Variants in CTPS2 observed in about 807,000 individuals in gnomAD.
The protein encoded by CTPS2 is CTP synthase 2.
CTPS2 carries 19 observed loss-of-function variants against 46.8 expected under a neutral mutation model. The observed-to-expected ratio is 0.41, with a 90% CI of 0.28 to 0.60. The LOEUF (loss-of-function observed/expected upper bound fraction) is 0.60. CTPS2 is among the 20% of genes least tolerant of loss of function. CTPS2 has a pLI of 0.35. For synonymous variants in CTPS2, 151 were observed against 165.2 expected (o/e 0.91, Z 0.66); for missense variants, 286 against 447.6 (o/e 0.64, Z 3.26).
At chrX:16,592,793 T>C (rs943536374) in intron 17 of CTPS2, among the ~76,000 whole-genome samples, 5 of 112,182 alleles carry the variant, frequency 4.5e-5, no homozygotes, top group Admixed American at 2.8e-4. Flanking sequence ...GTTGGAGAAA[T>C]AATTTTCACA....
At chrX:16,663,989 C>T (rs1199098651) in intron 13 of CTPS2, among the ~76,000 whole-genome samples, 5 of 110,665 alleles carry the variant, frequency 4.5e-5, no homozygotes, top group East Asian at 2.8e-4. Context: ...GCGCGTGCCA[C>T]CACGCCCAGC....
chrX:16,646,433 C>T (rs950226479), intron 13 of CTPS2, among the ~76,000 whole-genome samples: 4 of 112,458 alleles, frequency 3.6e-5, no homozygotes, highest in Admixed American at 9.4e-5. Context: ...AGTAAAGATA[C>T]GCACTCAAGA....
Position 16,699,089 on chromosome X carries a change from T to C in CTPS2, c.171A>G (p.Glu57=). The change falls in exon 3 of 19, where the codon GAA becomes GAG. Residue 57 remains glutamate, a synonymous_variant. Transcript: ENST00000359276. ...CTCCACCATCATTTAAGACGAAGAC[T>C]TCACCTAGGATTAAAAAGGCAATGG... ...AGTFSPYEHG[E]VFVLNDGGEV... is the part of the protein sequence containing the mutation. 8.8e-7 allele frequency: 1 copy of C among 1,142,737 alleles called. No individual in the cohort carries two copies. Among genetic ancestry groups the C allele is most frequent in the Non-Finnish European group, 1.2e-6 (1 of 865,325 alleles). The allele number at this position is 1,142,737 out of a possible 1,213,427, so 94.2% of individuals were successfully genotyped here. A position where few individuals can be genotyped will look rare whatever the true frequency, so the allele number is the denominator to read the frequency against.
intron 13 of CTPS2, among the ~76,000 whole-genome samples, chrX:16,644,295 C>T (rs904109450): frequency 1.8e-5 from 2 of 110,814 alleles, no homozygotes; most frequent in African/African-American, 3.3e-5. Flanking sequence ...CCACCATGCC[C>T]GGCTAATTTT....
At chrX:16,657,189 C>CTTTTTT (rs770294993) in intron 13 of CTPS2, among the ~76,000 whole-genome samples, 1 of 84,643 alleles carries the variant, frequency 1.2e-5, no homozygotes. Context: ...CATGCCCGGC[C>CTTTTTT]TTTTTTTTTT....
At chrX:16,687,938 T>C (rs1326567437) in intron 8 of CTPS2, among the ~76,000 whole-genome samples, 2 of 110,776 alleles carry the variant, frequency 1.8e-5, no homozygotes, top group African/African-American at 3.3e-5. Flanking sequence ...CCCCTTATTA[T>C]ATACAGAAGG....
At chrX:16,618,583 G>T (rs1456756871) in intron 15 of CTPS2, among the ~76,000 whole-genome samples, 2 of 111,680 alleles carry the variant, frequency 1.8e-5, no homozygotes, top group African/African-American at 6.5e-5. Flanking sequence ...GAAGGTTCCA[G>T]TTACCCCACA....
chrX:16,596,143 G>A (rs1313861361), intron 17 of CTPS2, among the ~76,000 whole-genome samples: 3 of 111,245 alleles, frequency 2.7e-5, no homozygotes, highest in African/African-American at 6.5e-5. Context: ...CAAAGTACTG[G>A]GATTACAGGT....
At chrX:16,639,932 C>G (rs919992693) in intron 13 of CTPS2, among the ~76,000 whole-genome samples, 13 of 111,514 alleles carry the variant, frequency 1.2e-4, no homozygotes, top group African/African-American at 4.2e-4. Context: ...ATCGCTCCCT[C>G]TCCCTCATAG....
At chrX:16,605,670 C>G (rs1929935735) in intron 17 of CTPS2, among the ~76,000 whole-genome samples, 2 of 111,461 alleles carry the variant, frequency 1.8e-5, no homozygotes, top group African/African-American at 3.3e-5. Flanking sequence ...TGCAGTGAGC[C>G]AAGACCACAT....
intron 9 of CTPS2, among the ~76,000 whole-genome samples, chrX:16,681,086 T>C (rs1922709019): frequency 9.0e-6 from 1 of 111,432 alleles, no homozygotes; most frequent in Non-Finnish European, 1.9e-5. Context: ...TTCGGGTGGC[T>C]AAGGCAGGAG....
At chrX:16,669,780 C>G (rs1342521812) in intron 11 of CTPS2, among the ~76,000 whole-genome samples, 1 of 110,367 alleles carries the variant, frequency 9.1e-6, no homozygotes, top group Non-Finnish European at 1.9e-5. Context: ...CCCAGCCATC[C>G]ACTGCACAGT....
At chrX:16,681,651 T>A (rs1376207692) in intron 9 of CTPS2, among the ~76,000 whole-genome samples, 2 of 111,146 alleles carry the variant, frequency 1.8e-5, no homozygotes, top group Non-Finnish European at 3.8e-5. Context: ...GCTCAAGTGA[T>A]CTTCCTGCCT....
At chrX:16,606,605 C>T (rs1398206574) in intron 17 of CTPS2, among the ~76,000 whole-genome samples, 2 of 111,743 alleles carry the variant, frequency 1.8e-5, no homozygotes, top group African/African-American at 6.5e-5. Context: ...GGTTGATACA[C>T]GTAGGAATTC....
At chrX:16,687,162 G>A (rs1165823559) in intron 8 of CTPS2, among the ~76,000 whole-genome samples, 1 of 110,560 alleles carries the variant, frequency 9.0e-6, no homozygotes, top group South Asian at 3.8e-4. Flanking sequence ...CATTGTTATG[G>A]CAGCCCCCAG....
chrX:16,631,545 T>C (rs1396545288), intron 14 of CTPS2, among the ~76,000 whole-genome samples: 6 of 110,978 alleles, frequency 5.4e-5, no homozygotes, highest in African/African-American at 2.0e-4. Flanking sequence ...ATAAATAAGT[T>C]TGGGGCTAGC....
intron 14 of CTPS2, chrX:16,627,233 T>G (rs751637982): frequency 5.3e-5 from 6 of 112,336 alleles, no homozygotes; most frequent in Non-Finnish European, 9.4e-5. Flanking sequence ...TTCTGCTAAT[T>G]AGGCATTTTA....
At chrX:16,676,954 G>T (rs1380688998) in intron 10 of CTPS2, among the ~76,000 whole-genome samples, 2 of 109,380 alleles carry the variant, frequency 1.8e-5, no homozygotes, top group Admixed American at 2.0e-4. Context: ...AGCTACTTGG[G>T]AGGCTGAGGC....
intron 8 of CTPS2, among the ~76,000 whole-genome samples, chrX:16,687,474 C>CAAAAAA (rs35798035): frequency 2.3e-5 from 1 of 44,353 alleles, no homozygotes; most frequent in Admixed American, 3.4e-4. Context: ...CACCCTGTGT[C>CAAAAAA]AAAAAAAAAA....
Sources: gnomAD v4.1 joint callset for allele counts (sites outside exome capture counted in the v4.1 genomes callset) on GRCh38, gnomAD v4.1.1 for gene constraint, MANE v1.5 for transcripts, NCBI Gene and HGNC (gene_info 2026-07-23, HGNC 2026-07-21) for gene names.